The following SWAP70 variants were observed in gnomAD, a reference collection of about 807,000 sequenced individuals.
SWAP70 encodes switching B cell complex subunit SWAP70.
In SWAP70, 34 loss-of-function variants were observed where a neutral mutation model predicts 80.2. The ratio of observed to expected loss-of-function variants is 0.42; its 90% confidence interval spans 0.32 to 0.56. SWAP70 has a LOEUF of 0.56. Ranked by LOEUF, SWAP70 falls within the 20% of genes least tolerant of loss-of-function variation. SWAP70 has a pLI of 0.09. For missense variants in SWAP70, 578 were observed against 690.7 expected, an observed-to-expected ratio of 0.84 and a Z score of 1.83; for synonymous variants, 239 against 238.5, an observed-to-expected ratio of 1.00 and a Z score of -0.02.
chr11:9,693,149 C>G (rs1850715676), intron 1 of SWAP70, among the ~76,000 whole-genome samples: 3 of 152,056 alleles, frequency 2.0e-5, no homozygotes, highest in Admixed American at 2.0e-4. Flanking sequence ...ATGTTTAGGG[C>G]TGAGAAAAAT....
At chr11:9,674,824 C>T (rs1227252759) in intron 1 of SWAP70, among the ~76,000 whole-genome samples, 1 of 151,890 alleles carries the variant, frequency 6.6e-6, no homozygotes, top group Non-Finnish European at 1.5e-5. Flanking sequence ...AAGAAATTAG[C>T]TGGGCGTGGT....
chr11:9,690,368 A>G (rs984565958), intron 1 of SWAP70, among the ~76,000 whole-genome samples: 1 of 152,188 alleles, frequency 6.6e-6, no homozygotes, highest in Non-Finnish European at 1.5e-5. Flanking sequence ...ACTTGAGGTC[A>G]GGAGTTTGAG....
At chr11:9,717,574 A>G (rs1013216263) in intron 3 of SWAP70, among the ~76,000 whole-genome samples, 3 of 150,656 alleles carry the variant, frequency 2.0e-5, no homozygotes, top group Non-Finnish European at 4.4e-5. Flanking sequence ...GGGTGGTTTG[A>G]GCCTGGGAGG....
At chr11:9,703,476 A>G (rs1292172603) in intron 2 of SWAP70, 1 of 456,116 alleles carries the variant, frequency 2.2e-6, no homozygotes, top group Non-Finnish European at 4.4e-6. Flanking sequence ...CATCAAATGC[A>G]GCGAATTTTT....
chr11:9,712,515 A>G (rs1196347258), intron 2 of SWAP70, among the ~76,000 whole-genome samples: 1 of 151,554 alleles, frequency 6.6e-6, no homozygotes, highest in Non-Finnish European at 1.5e-5. Flanking sequence ...GCAATATAGC[A>G]AGACCTCATC....
chr11:9,715,804 T>G lies in SWAP70; in HGVS notation c.414+2165T>G, dbSNP rs1472421769. On this transcript the variant is annotated intron_variant, in intron 3 of 11. Coordinates refer to ENST00000318950, the MANE Select transcript of SWAP70 (RefSeq NM_015055.4). ...AACACCTGGGAATTCAAGGTGAGAT[T>G]TGGGTAGGGACACAGCCAAACCATA... 7.2e-5 allele frequency among the ~76,000 whole-genome samples: 11 copies of G among 152,150 alleles called. No individual in the cohort carries two copies. In the East Asian group the frequency reaches 2.1e-3, roughly 29 times the overall value.
intron 4 of SWAP70, among the ~76,000 whole-genome samples, chr11:9,725,558 TA>T (rs1564829522): frequency 0.025 from 305 of 12,172 alleles, 2 homozygotes; most frequent in African/African-American, 0.064. Flanking sequence ...TATATATATA[TA>T]TATATATATA....
At chr11:9,742,585 T>C (rs1037202038) in intron 9 of SWAP70, among the ~76,000 whole-genome samples, 10 of 152,184 alleles carry the variant, frequency 6.6e-5, no homozygotes, top group Non-Finnish European at 1.3e-4. Flanking sequence ...TCCGCCTGTC[T>C]CGGTCTCCCA....
intron 2 of SWAP70, among the ~76,000 whole-genome samples, chr11:9,694,799 C>T (rs565078500): frequency 8.5e-5 from 13 of 152,206 alleles, no homozygotes; most frequent in Admixed American, 6.5e-4. Flanking sequence ...ATTAGAAAGC[C>T]AGGAAACAAT....
chr11:9,666,107 A>G (rs1361075597), intron 1 of SWAP70, among the ~76,000 whole-genome samples: 3 of 144,540 alleles, frequency 2.1e-5, no homozygotes, highest in African/African-American at 7.8e-5. Context: ...TTTTTCTGAG[A>G]CACAGTCTTG....
intron 2 of SWAP70, among the ~76,000 whole-genome samples, chr11:9,712,306 A>G (rs962709290): frequency 4.6e-5 from 7 of 152,234 alleles, no homozygotes; most frequent in African/African-American, 1.7e-4. Flanking sequence ...CTATTGAATT[A>G]TACACTGTTA....
intron 7 of SWAP70, among the ~76,000 whole-genome samples, chr11:9,733,961 T>C (rs1363942293): frequency 6.6e-6 from 1 of 152,162 alleles, no homozygotes; most frequent in Admixed American, 6.5e-5. Flanking sequence ...CCAATACAGG[T>C]TGAGTATCCC....
intron 7 of SWAP70, among the ~76,000 whole-genome samples, chr11:9,734,901 A>AG (rs574405538): frequency 8.1e-4 from 124 of 152,340 alleles, no homozygotes; most frequent in Middle Eastern, 3.4e-3. Flanking sequence ...CTGGGATTAC[A>AG]GGAATGAGGC....
At chr11:9,740,067 C>T (rs1022662808) in intron 8 of SWAP70, 114 bp from the exon 9 acceptor site, 2 of 868,400 alleles carry the variant, frequency 2.3e-6, no homozygotes, top group Admixed American at 2.7e-5. Context: ...GGACAGGGTC[C>T]TGCCACCCTG....
In SWAP70 at chr11:9,751,361, C is replaced by A. The variant is rs1168169705; in HGVS notation, c.*1391C>A. The A allele has an allele frequency of 2.0e-5, 3 of 152,184 alleles. No homozygotes were observed. The highest frequency in any genetic ancestry group is 6.5e-5 in the Admixed American group (1 of 15,282). 9.4% of individuals were successfully genotyped at this position (152,184 alleles called of 1,614,324 possible). On this transcript the variant is annotated 3_prime_UTR_variant, in exon 12 of 12. Transcript: ENST00000318950. ...TGAAAGGAGTATTGAGGAAGGTTTT[C>A]ATATATGATCTATCTTTGGATTAAA...
At chr11:9,691,098 T>C (rs906704485) in intron 1 of SWAP70, among the ~76,000 whole-genome samples, 1 of 152,108 alleles carries the variant, frequency 6.6e-6, no homozygotes, top group African/African-American at 2.4e-5. Context: ...TTGTACTTTC[T>C]ATAGAGATGG....
rs758580512 is a variant in SWAP70 at position 9,724,724 on chromosome 11, C to A, written c.481C>A (p.His161Asn). Residue 161 changes from histidine to asparagine, a missense_variant, in exon 4 of 12, where the codon CAT (histidine) becomes AAT (asparagine). By Grantham distance (68) the His-to-Asn change is moderately conservative. Transcript: ENST00000318950. ...AGGTTGGCAGCAAGAACAATTTGAACATTATAAAATCAACTTTGATGACAG... is the reference window on the plus strand; with the variant it reads ...AGGTTGGCAGCAAGAACAATTTGAAAATTATAAAATCAACTTTGATGACAG... Reference protein sequence around the residue: ...GGGWQQEQFEHYKINFDDSKN... With the variant: ...GGGWQQEQFENYKINFDDSKN... The A allele has an allele frequency of 1.5e-5, 24 of 1,613,952 alleles. No homozygotes were observed. The highest frequency in any genetic ancestry group is 2.0e-5 in the Non-Finnish European group (24 of 1,180,004).
chr11:9,746,648 G>A (rs1355243432), intron 9 of SWAP70, among the ~76,000 whole-genome samples: 2 of 152,232 alleles, frequency 1.3e-5, no homozygotes, highest in African/African-American at 2.4e-5. Context: ...GTTCTCAACA[G>A]GCAACAAAGC....
intron 1 of SWAP70, among the ~76,000 whole-genome samples, chr11:9,671,675 A>AATATATTTCTATTTATAC (rs1565109747): frequency 9.6e-5 from 1 of 10,366 alleles, no homozygotes; most frequent in Non-Finnish European, 1.8e-4. Flanking sequence ...AATATATATA[A>AATATATTTCTATTTATAC]ATAGAAATAT....
Sources: gnomAD v4.1 joint callset for allele counts (sites outside exome capture counted in the v4.1 genomes callset) on GRCh38, gnomAD v4.1.1 for gene constraint, MANE v1.5 for transcripts, NCBI Gene and HGNC (gene_info 2026-07-23, HGNC 2026-07-21) for gene names.